TBC1D2: variants seen among roughly 807,000 people sequenced by gnomAD.
The protein encoded by TBC1D2 is TBC1 domain family member 2.
In TBC1D2, 58 loss-of-function variants were observed where a neutral mutation model predicts 91.1. The ratio of observed to expected loss-of-function variants is 0.64; its 90% CI spans 0.52 to 0.79. The LOEUF (loss-of-function observed/expected upper bound fraction) is 0.79. TBC1D2 is among the 30% of genes least tolerant of loss of function. TBC1D2 has a pLI of 0.00. For missense variants in TBC1D2, 1,080 were observed against 1,208.3 expected, an observed-to-expected ratio of 0.89 and a Z score of 1.57; for synonymous variants, 482 against 511.5, an observed-to-expected ratio of 0.94 and a Z score of 0.78.
chr9:98,253,383 T>G (rs1038455219), intron 1 of TBC1D2, among the ~76,000 whole-genome samples: 1 of 152,188 alleles, frequency 6.6e-6, no homozygotes, highest in Non-Finnish European at 1.5e-5. Context: ...GCCACAGCTC[T>G]AGTTCAGCTG....
chr9:98,242,982 G>A (rs1829682792), intron 3 of TBC1D2, among the ~76,000 whole-genome samples: 1 of 151,790 alleles, frequency 6.6e-6, no homozygotes, highest in Non-Finnish European at 1.5e-5. Flanking sequence ...GGTCTCAGAA[G>A]TTGCCCAGGC....
chr9:98,248,996 AGACATGGGTCAGGAGGTTTTCAAC>A (rs1180109707), intron 2 of TBC1D2, among the ~76,000 whole-genome samples: 1 of 152,234 alleles, frequency 6.6e-6, no homozygotes, highest in East Asian at 1.9e-4. Context: ...ACTCAAAGTC[AGACATGGGTCAGGAGGTTTTCAAC>A]GACATGGGAG....
intron 3 of TBC1D2, among the ~76,000 whole-genome samples, chr9:98,237,900 C>T (rs1468352479): frequency 1.9e-4 from 27 of 139,046 alleles, no homozygotes; most frequent in Non-Finnish European, 1.6e-4. Context: ...TTTTTTTTTT[C>T]TTTTTTTTCT....
Position 98,233,454 on chromosome 9 carries a change from C to T in TBC1D2, c.743G>A (p.Arg248Lys). 4.3e-6 allele frequency: 7 copies of T among 1,614,180 alleles called. No individual in the cohort carries two copies. Among genetic ancestry groups the T allele is most frequent in the Non-Finnish European group, 5.9e-6 (7 of 1,180,006 alleles). The change falls in exon 4 of 13, where the codon AGG becomes AAG. Residue 248 changes from arginine (R) to lysine (K), a missense_variant. By Grantham distance (26) the Arg-to-Lys change is conservative (BLOSUM62 2). Coordinates refer to ENST00000465784, the MANE Select transcript of TBC1D2 (RefSeq NM_001267571.2). ...GTCAGAGGCCAAGGGCTGCTCCTCC[C>T]TCTGAGGCTCCCCACTCTGTGGAGA... The part of the protein sequence containing the change: ...EDSPQSGEPQ[R>K]EEQPLASDAS...
At chr9:98,209,204 G>A in intron 8 of TBC1D2, 60 bp from the exon 9 acceptor site, 1 of 1,529,172 alleles carries the variant, frequency 6.5e-7, no homozygotes. Context: ...ATAAGGGGTG[G>A]TGGTGACAGG....
At position 98,255,147 on chromosome 9, in the gene TBC1D2, A is replaced by G. The variant is rs745645576; in HGVS notation, c.369+26T>C. ...AAAAGGGGACCTCACGCCGCTGGAA[A>G]GGAGAAAGTCGTTGCAGGAATTTAC... On this transcript the variant is annotated intron_variant, in intron 1 of 12. Coordinates refer to ENST00000465784, the MANE Select transcript of TBC1D2 (RefSeq NM_001267571.2). 7.0e-6 allele frequency: 11 copies of G among 1,581,640 alleles called. No individual in the cohort carries two copies. In the Admixed American group the frequency reaches 7.0e-5, roughly 10 times the overall value.
intron 5 of TBC1D2, among the ~76,000 whole-genome samples, chr9:98,222,586 G>A (rs894822565): frequency 2.0e-5 from 3 of 152,188 alleles, no homozygotes; most frequent in African/African-American, 2.4e-5. Flanking sequence ...GGAGGGCCAC[G>A]CCTGGACTCA....
chr9:98,209,905 T>C (rs561592549), intron 8 of TBC1D2, among the ~76,000 whole-genome samples: 1 of 151,852 alleles, frequency 6.6e-6, no homozygotes, highest in African/African-American at 2.4e-5. Context: ...CTCAGCTCAT[T>C]GCAGCTTCTA....
chr9:98,232,070 G>A (rs1829381623), intron 4 of TBC1D2, among the ~76,000 whole-genome samples: 2 of 152,098 alleles, frequency 1.3e-5, no homozygotes, highest in South Asian at 2.1e-4. Context: ...TTATAGTGAC[G>A]GCTGCATAAT....
intron 7 of TBC1D2, among the ~76,000 whole-genome samples, chr9:98,212,376 C>A (rs759566803): frequency 6.6e-6 from 1 of 152,168 alleles, no homozygotes; most frequent in Non-Finnish European, 1.5e-5. Flanking sequence ...GAAGGTCCTT[C>A]TCCACTGCTT....
chr9:98,237,040 AG>A (rs1261459333), intron 3 of TBC1D2, among the ~76,000 whole-genome samples: 2 of 152,160 alleles, frequency 1.3e-5, no homozygotes, highest in Admixed American at 1.3e-4. Context: ...AAATCTGTTA[AG>A]AATGTCAGAC....
At chr9:98,254,111 G>T (rs1829926057) in intron 1 of TBC1D2, among the ~76,000 whole-genome samples, 1 of 152,162 alleles carries the variant, frequency 6.6e-6, no homozygotes, top group African/African-American at 2.4e-5. Flanking sequence ...CAGTAAAGGA[G>T]AACTGAACAC....
At chr9:98,253,858 A>C (rs925586830) in intron 1 of TBC1D2, among the ~76,000 whole-genome samples, 1 of 152,172 alleles carries the variant, frequency 6.6e-6, no homozygotes, top group African/African-American at 2.4e-5. Flanking sequence ...CCAGACTTTA[A>C]GCTGTCAGAG....
chr9:98,204,193 T>A (rs1223569624), intron 9 of TBC1D2, among the ~76,000 whole-genome samples: 3 of 152,152 alleles, frequency 2.0e-5, no homozygotes, highest in Non-Finnish European at 4.4e-5. Context: ...CAAGAAGTCA[T>A]TTTCCAAAAA....
chr9:98,208,784 GA>G lies in TBC1D2; in HGVS notation c.2033del (p.Phe678SerfsTer38). The G allele has an allele frequency of 6.3e-7, 1 of 1,587,378 alleles. No individual in the cohort carries two copies. The highest frequency in any genetic ancestry group is 8.6e-7 in the Non-Finnish European group (1 of 1,162,046). ...GGCAGGTGAAGTGTTTGTTGTTGGG[GA>G]AGGTCCGGTTCAGGTCCAGCTCAAT... ...RQIELDLNRT[F>X]PNNKHFTCPT... On this transcript the variant is annotated frameshift_variant, in exon 9 of 13. Transcript: ENST00000465784. LOFTEE classifies it high-confidence loss of function.
chr9:98,209,184 C>T (rs1182579505), intron 8 of TBC1D2, 40 bp from the exon 9 acceptor site: 1 of 1,577,590 alleles, frequency 6.3e-7, no homozygotes, highest in Non-Finnish European at 8.7e-7. Flanking sequence ...CTTGCAGAGC[C>T]CTTCCCTAGA....
chr9:98,229,350 G>A (rs995126574), intron 4 of TBC1D2: 2 of 568,002 alleles, frequency 3.5e-6, no homozygotes, highest in Admixed American at 6.1e-5. Context: ...GACACAGCTT[G>A]TCCAGGGGTT....
chr9:98,231,508 T>G (rs1201362755), intron 4 of TBC1D2, among the ~76,000 whole-genome samples: 1 of 152,208 alleles, frequency 6.6e-6, no homozygotes. Flanking sequence ...TTCAACACTT[T>G]ATTAGAAAAT....
chr9:98,249,107 G>A (rs1829821759), intron 2 of TBC1D2, among the ~76,000 whole-genome samples: 2 of 152,206 alleles, frequency 1.3e-5, no homozygotes, highest in Admixed American at 6.5e-5. Context: ...TCCAGGCCTT[G>A]CTGACTTGCC....
Sources: gnomAD v4.1 joint callset for allele counts (sites outside exome capture counted in the v4.1 genomes callset) on GRCh38, gnomAD v4.1.1 for gene constraint, MANE v1.5 for transcripts, NCBI Gene and HGNC (gene_info 2026-07-23, HGNC 2026-07-21) for gene names.